The following KIF9 variants were observed in gnomAD, a reference collection of about 807,000 sequenced individuals.
The protein encoded by KIF9 is kinesin family member 9.
KIF9 carries 68 observed loss-of-function variants against 94.8 expected under a neutral mutation model. The ratio of observed to expected loss-of-function variants is 0.72; its 90% CI spans 0.59 to 0.88. The LOEUF is 0.88. Among genes scored for constraint, KIF9 ranks in the 40% least tolerant of loss-of-function variants. The probability of loss-of-function intolerance (pLI) is 0.00; values close to 1 mark genes in which losing one functional copy is unlikely to be tolerated. For synonymous variants in KIF9, 343 were observed against 362.1 expected (o/e 0.95, Z 0.60); for missense variants, 882 against 982.5 (o/e 0.90, Z 1.37).
At chr3:47,235,132 C>A (rs1698922212) in intron 20 of KIF9, among the ~76,000 whole-genome samples, 1 of 152,230 alleles carries the variant, frequency 6.6e-6, no homozygotes, top group African/African-American at 2.4e-5. Context: ...CCCACCCACT[C>A]TATAGCTAAC....
chr3:47,241,590 G>C (rs1328935080), intron 16 of KIF9, among the ~76,000 whole-genome samples: 1 of 151,188 alleles, frequency 6.6e-6, no homozygotes, highest in Middle Eastern at 3.2e-3. Context: ...CCAAAGTGCT[G>C]GGATTACAGG....
chr3:47,256,938 A>C (rs1700654161), intron 10 of KIF9, among the ~76,000 whole-genome samples: 1 of 152,098 alleles, frequency 6.6e-6, no homozygotes, highest in African/African-American at 2.4e-5. Context: ...CAGATGCTTG[A>C]AGGCAGCATG....
At chr3:47,229,917 A>G (rs1055886240) in intron 20 of KIF9, among the ~76,000 whole-genome samples, 25 of 151,942 alleles carry the variant, frequency 1.6e-4, no homozygotes, top group African/African-American at 6.0e-4. Context: ...TGTTTTTAGT[A>G]AAGACAGGGT....
intron 9 of KIF9, among the ~76,000 whole-genome samples, chr3:47,260,028 G>C (rs941611869): frequency 6.6e-5 from 6 of 91,176 alleles, no homozygotes; most frequent in Non-Finnish European, 1.3e-4. Context: ...GAAGGCATCT[G>C]TCTCCTGCCT....
intron 17 of KIF9, 22 bp downstream of exon 17, chr3:47,240,779 G>T: frequency 6.3e-7 from 1 of 1,598,010 alleles, no homozygotes; most frequent in Non-Finnish European, 8.6e-7. Context: ...AAGCTCCCTA[G>T]CCCTCTTTCC....
Position 47,282,556 on chromosome 3 carries a change from C to A in KIF9, c.-67G>T, listed in dbSNP as rs892920857. 24 of 1,019,660 alleles carry A rather than the reference C, an allele frequency of 2.4e-5. No individual in the cohort carries two copies. The highest frequency in any genetic ancestry group is 2.7e-5 in the Non-Finnish European group (23 of 849,538). 63.2% of individuals were successfully genotyped at this position (1,019,660 alleles called of 1,614,324 possible). On this transcript the variant is annotated 5_prime_UTR_variant, in exon 1 of 21. Transcript: ENST00000684063. Reference sequence around the variant, plus strand: ...CCGCAACCGAAACCACCTGCACTCCCCACGCGGGGCTGCCTGGCTGTGTAC... The same window carrying A: ...CCGCAACCGAAACCACCTGCACTCCACACGCGGGGCTGCCTGGCTGTGTAC...
At position 47,271,345 on chromosome 3, in the gene KIF9, G is replaced by A. The variant is rs1202316570; in HGVS notation, c.483C>T (p.Pro161=). 4 of 1,613,778 alleles carry A rather than the reference G, an allele frequency of 2.5e-6. No individual in the cohort carries two copies. Among genetic ancestry groups the A allele is most frequent in the East Asian group, 4.5e-5 (2 of 44,876 alleles). The change falls in exon 5 of 21, where the codon CCC becomes CCT. Residue 161 remains proline, a synonymous_variant. Coordinates refer to ENST00000684063, the MANE Select transcript of KIF9 (RefSeq NM_182902.4). ...DLLSTLPYVG[P]SVTPMTIVEN... is the part of the protein sequence containing the mutation. ...CCACGATGGTCATTGGTGTGACTGAGGGTCCAACATAGGGCAGAGTGGACA... is the reference window on the plus strand; with the variant it reads ...CCACGATGGTCATTGGTGTGACTGAAGGTCCAACATAGGGCAGAGTGGACA...
intron 3 of KIF9, among the ~76,000 whole-genome samples, chr3:47,274,625 A>C (rs1012058804): frequency 6.6e-6 from 1 of 152,208 alleles, no homozygotes. Flanking sequence ...TTCAGCTGCA[A>C]ATCAGAGCCC....
chr3:47,239,536 T>C (rs1699310946), intron 17 of KIF9: 6 of 1,094,764 alleles, frequency 5.5e-6, no homozygotes, highest in Non-Finnish European at 5.6e-6. Context: ...ATGATAAGAA[T>C]GGCCCCAAGA....
chr3:47,231,070 G>T (rs1447280473), intron 20 of KIF9, among the ~76,000 whole-genome samples: 1 of 152,048 alleles, frequency 6.6e-6, no homozygotes, highest in Admixed American at 6.6e-5. Flanking sequence ...ACAGCATAGA[G>T]AAATGAGGAG....
intron 10 of KIF9, among the ~76,000 whole-genome samples, chr3:47,250,249 G>A (rs974284305): frequency 4.6e-5 from 7 of 152,266 alleles, no homozygotes; most frequent in African/African-American, 1.7e-4. Flanking sequence ...CTGAACACTT[G>A]AAATGTGGCT....
At chr3:47,249,302 C>T (rs759183331) in intron 10 of KIF9, among the ~76,000 whole-genome samples, 3 of 152,028 alleles carry the variant, frequency 2.0e-5, no homozygotes, top group African/African-American at 7.2e-5. Flanking sequence ...TGTGCCACCA[C>T]GCCCGGCTAA....
At chr3:47,263,955 C>A in intron 9 of KIF9, 4 of 486,612 alleles carry the variant, frequency 8.2e-6, no homozygotes, top group South Asian at 6.2e-5. Flanking sequence ...AAGTCACCAA[C>A]GATCCTTCTT....
chr3:47,232,559 A>G (rs1274378096), intron 20 of KIF9, among the ~76,000 whole-genome samples: 1 of 151,756 alleles, frequency 6.6e-6, no homozygotes. Flanking sequence ...TGCTGGGATT[A>G]CAGGTGTGAG....
At position 47,246,182 on chromosome 3, in the gene KIF9, G is replaced by A. The variant is rs776496458; in HGVS notation, c.1289+15C>T. 6.2e-7 allele frequency: 1 copy of A among 1,610,336 alleles called. No individual in the cohort carries two copies. Among genetic ancestry groups the A allele is most frequent in the Non-Finnish European group, 8.5e-7 (1 of 1,176,996 alleles). On this transcript the variant is annotated intron_variant, in intron 13 of 20. Coordinates refer to ENST00000684063, the MANE Select transcript of KIF9 (RefSeq NM_182902.4). ...AGCCTGATGTAGGAATGAGGTAGGG[G>A]TGGGGGTCTCTCACCTCAGAACCAC... is the stretch of plus-strand genomic sequence containing the variant.
chr3:47,248,011 C>T lies in KIF9; in HGVS notation c.1128+7G>A, dbSNP rs1363464709. 3 of 1,611,308 alleles carry T rather than the reference C, an allele frequency of 1.9e-6. No individual in the cohort carries two copies. Among genetic ancestry groups the T allele is most frequent in the African/African-American group, 2.7e-5 (2 of 74,840 alleles). On this transcript the variant is annotated splice_region_variant and intron_variant, in intron 11 of 20. Transcript: ENST00000684063. ...TCTGCCCTCCTTCTTTGCCTCTAGC[C>T]TCTTACCAGGCTGTCATGGATAGCC...
intron 4 of KIF9, 141 bp downstream of exon 4, chr3:47,273,411 T>C (rs746975040): frequency 1.6e-6 from 1 of 609,942 alleles, no homozygotes; most frequent in Non-Finnish European, 2.8e-6. Flanking sequence ...GCCCTGTGTA[T>C]GTTGTCTCCA....
At chr3:47,266,478 T>C (rs150291569) in intron 7 of KIF9, among the ~76,000 whole-genome samples, 149 of 152,192 alleles carry the variant, frequency 9.8e-4, no homozygotes, top group African/African-American at 3.4e-3. Flanking sequence ...ACCCCGTCTC[T>C]ACAAAAAAAT....
intron 11 of KIF9, 75 bp from the exon 12 acceptor site, chr3:47,247,552 G>T: frequency 8.6e-7 from 1 of 1,162,644 alleles, no homozygotes; most frequent in Non-Finnish European, 1.3e-6. Context: ...GGGCCATTCT[G>T]AGAGGCAAAG....
Sources: gnomAD v4.1 joint callset for allele counts (sites outside exome capture counted in the v4.1 genomes callset) on GRCh38, gnomAD v4.1.1 for gene constraint, MANE v1.5 for transcripts, NCBI Gene and HGNC (gene_info 2026-07-23, HGNC 2026-07-21) for gene names.